HECW2: variants seen among roughly 807,000 people sequenced by gnomAD.
HECW2 encodes HECT, C2 and WW domain containing E3 ubiquitin protein ligase 2.
A neutral mutation model predicts 175.2 loss-of-function variants in HECW2; 61 were observed. The observed-to-expected ratio is 0.35, with a 90% CI of 0.28 to 0.43. HECW2 has a LOEUF of 0.43. Among genes scored for constraint, HECW2 ranks in the 20% least tolerant of loss-of-function variants. HECW2 has a pLI of 1.00. For synonymous variants in HECW2, 671 were observed against 731.0 expected (o/e 0.92, Z 1.32); for missense variants, 1,524 against 2,000.5 (o/e 0.76, Z 4.54).
At chr2:196,570,869 CCA>C (rs1168189082) in intron 1 of HECW2, among the ~76,000 whole-genome samples, 9 of 152,142 alleles carry the variant, frequency 5.9e-5, no homozygotes, top group Non-Finnish European at 5.9e-5. Context: ...CATGTGAGGT[CCA>C]GTTTGCCAGA....
intron 1 of HECW2, among the ~76,000 whole-genome samples, chr2:196,539,399 G>A (rs910821797): frequency 1.3e-5 from 2 of 152,184 alleles, no homozygotes; most frequent in African/African-American, 2.4e-5. Flanking sequence ...TTGGGAGGCC[G>A]AGGCGGGTGG....
rs192894094 is a variant in HECW2 at position 196,496,928 on chromosome 2, C to A, written c.-35-63470G>T. The stretch of plus-strand genomic sequence containing the variant: ...TAATGAGTACCTAGCATTTGCCAGA[C>A]ACTATGAAAAACTAGGGGGAAAAAT... On this transcript the variant is annotated intron_variant, in intron 1 of 28. Transcript: ENST00000644978. 1.1e-4 allele frequency among the ~76,000 whole-genome samples: 16 copies of A among 152,122 alleles called. 1 individual carries two copies. In the East Asian group the frequency reaches 2.9e-3, roughly 28 times the overall value.
chr2:196,403,369 A>G (rs1472548033), intron 2 of HECW2, among the ~76,000 whole-genome samples: 1 of 152,228 alleles, frequency 6.6e-6, no homozygotes, highest in Non-Finnish European at 1.5e-5. Context: ...TGCTTTCCAC[A>G]TAGGGTATCC....
intron 2 of HECW2, among the ~76,000 whole-genome samples, chr2:196,432,238 A>T (rs1270234190): frequency 2.7e-5 from 4 of 146,738 alleles, no homozygotes; most frequent in Non-Finnish European, 6.0e-5. Context: ...TTTATTCGTT[A>T]AAAAAAAAAG....
At position 196,374,439 on chromosome 2, in the gene HECW2, T is replaced by C. The variant is rs1693993982; in HGVS notation, c.293-30675A>G. Among the ~76,000 whole-genome samples, 3 of 152,232 alleles carry C rather than the reference T, an allele frequency of 2.0e-5. No individual in the cohort carries two copies. The South Asian group carries it at 6.2e-4, about 32-fold the overall frequency. Reference sequence around the variant, plus strand: ...ATTTGTCCATAATTTCCAAGTGGTGTACAATGAACTTGCATTACCTTACTA... The same window carrying C: ...ATTTGTCCATAATTTCCAAGTGGTGCACAATGAACTTGCATTACCTTACTA... On this transcript the variant is annotated intron_variant, in intron 2 of 28. Coordinates refer to ENST00000644978, the MANE Select transcript of HECW2 (RefSeq NM_001348768.2).
At chr2:196,346,361 G>A (rs1166997420) in intron 2 of HECW2, among the ~76,000 whole-genome samples, 1 of 152,170 alleles carries the variant, frequency 6.6e-6, no homozygotes, top group Non-Finnish European at 1.5e-5. Flanking sequence ...CTGAACCCTG[G>A]ACAGAGGAGA....
intron 17 of HECW2, among the ~76,000 whole-genome samples, chr2:196,270,948 C>A (rs1689709597): frequency 6.6e-6 from 1 of 152,156 alleles, no homozygotes; most frequent in African/African-American, 2.4e-5. Flanking sequence ...CCTGCCTCGG[C>A]CTCCCCAAGT....
intron 1 of HECW2, among the ~76,000 whole-genome samples, chr2:196,450,278 C>T (rs569887606): frequency 3.3e-5 from 5 of 152,074 alleles, no homozygotes; most frequent in African/African-American, 9.6e-5. Context: ...CTGAGTTGAC[C>T]GATAAAAACA....
At chr2:196,575,779 C>T (rs1346092670) in intron 1 of HECW2, among the ~76,000 whole-genome samples, 1 of 152,174 alleles carries the variant, frequency 6.6e-6, no homozygotes, top group East Asian at 1.9e-4. Flanking sequence ...GAAACTTTTA[C>T]TCATGGTGGG....
chr2:196,201,470 C>T, intron 28 of HECW2, 82 bp from the exon 29 acceptor site: 2 of 851,998 alleles, frequency 2.3e-6, no homozygotes, highest in Non-Finnish European at 3.9e-6. Flanking sequence ...GTGTGTGTGT[C>T]TGTGTGTGTA....
At chr2:196,236,812 C>A (rs1272659538) in intron 21 of HECW2, among the ~76,000 whole-genome samples, 2 of 152,168 alleles carry the variant, frequency 1.3e-5, no homozygotes, top group East Asian at 3.8e-4. Context: ...TACATATTAT[C>A]AACATGACTT....
At chr2:196,359,500 C>T (rs930723870) in intron 2 of HECW2, among the ~76,000 whole-genome samples, 1 of 152,134 alleles carries the variant, frequency 6.6e-6, no homozygotes, top group African/African-American at 2.4e-5. Context: ...ATTAAGCCTG[C>T]TCTCAAAGAT....
At chr2:196,350,692 A>G (rs1693138275) in intron 2 of HECW2, among the ~76,000 whole-genome samples, 2 of 152,238 alleles carry the variant, frequency 1.3e-5, no homozygotes, top group Non-Finnish European at 2.9e-5. Context: ...ATTTCCTGCC[A>G]TAAGCAGCTG....
chr2:196,285,224 TA>T (rs1318711242), intron 14 of HECW2, among the ~76,000 whole-genome samples: 1 of 152,212 alleles, frequency 6.6e-6, no homozygotes, highest in Non-Finnish European at 1.5e-5. Context: ...CATCACTATT[TA>T]TGAAGAAATA....
chr2:196,408,619 C>T (rs1350071190), intron 2 of HECW2, among the ~76,000 whole-genome samples: 1 of 152,206 alleles, frequency 6.6e-6, no homozygotes, highest in Non-Finnish European at 1.5e-5. Context: ...CTACACCCCT[C>T]CATTGAACTT....
At chr2:196,450,821 T>C (rs866569203) in intron 1 of HECW2, among the ~76,000 whole-genome samples, 2 of 152,126 alleles carry the variant, frequency 1.3e-5, no homozygotes, top group African/African-American at 4.8e-5. Context: ...TTGATGCTGA[T>C]AAATGCTGAA....
chr2:196,289,837 C>T (rs57507866), intron 14 of HECW2: 38,983 of 151,990 alleles, frequency 0.26, 5,898 homozygotes, highest in African/African-American at 0.41. Flanking sequence ...AGTAGCCAAA[C>T]AGAGACCGAG....
intron 1 of HECW2, among the ~76,000 whole-genome samples, chr2:196,519,854 C>G (rs1688288849): frequency 6.6e-6 from 1 of 152,212 alleles, no homozygotes; most frequent in African/African-American, 2.4e-5. Flanking sequence ...TTGAGACATG[C>G]TCCAGGGGTA....
chr2:196,210,341 T>C (rs16847164), intron 28 of HECW2, among the ~76,000 whole-genome samples: 4,285 of 152,134 alleles, frequency 0.028, 192 homozygotes, highest in African/African-American at 0.096. Context: ...TACTCTAACA[T>C]GTTAACAGAG....
Sources: gnomAD v4.1 joint callset for allele counts (sites outside exome capture counted in the v4.1 genomes callset) on GRCh38, gnomAD v4.1.1 for gene constraint, MANE v1.5 for transcripts, NCBI Gene and HGNC (gene_info 2026-07-23, HGNC 2026-07-21) for gene names.